Variants in PSORS1C1 observed in about 807,000 individuals in gnomAD.
The protein encoded by PSORS1C1 is psoriasis susceptibility 1 candidate 1, also known as psoriasis susceptibility 1 candidate gene 1 protein.
A neutral mutation model predicts 9.4 loss-of-function variants in PSORS1C1; 7 were observed. The ratio of observed to expected loss-of-function variants is 0.75; its 90% CI spans 0.42 to 1.40. The LOEUF is 1.40. Among genes scored for constraint, PSORS1C1 ranks in the 40% most tolerant of loss-of-function variants. PSORS1C1 has a pLI of 0.01. For missense variants in PSORS1C1, 146 were observed against 178.1 expected, an observed-to-expected ratio of 0.82 and a Z score of 1.02; for synonymous variants, 63 against 69.4, an observed-to-expected ratio of 0.91 and a Z score of 0.46.
At chr6:31,129,358 C>A (rs893457248) in intron 2 of PSORS1C1, among the ~76,000 whole-genome samples, 2 of 152,186 alleles carry the variant, frequency 1.3e-5, no homozygotes, top group Non-Finnish European at 2.9e-5. Context: ...TAGAGAGGAA[C>A]CAGCATTGTC....
chr6:31,123,905 A>G (rs1184080388), intron 1 of PSORS1C1, among the ~76,000 whole-genome samples: 1 of 152,180 alleles, frequency 6.6e-6, no homozygotes, highest in Non-Finnish European at 1.5e-5. Context: ...ACTTGGCTTC[A>G]GGGAGGTGGC....
intron 3 of PSORS1C1, chr6:31,133,405 T>C (rs1012156030): frequency 2.0e-5 from 3 of 152,238 alleles, no homozygotes; most frequent in African/African-American, 7.2e-5. Flanking sequence ...CTGATGCACA[T>C]ACGCGCAAGG....
At chr6:31,122,608 T>A (rs1348193930) in intron 1 of PSORS1C1, among the ~76,000 whole-genome samples, 1 of 138,378 alleles carries the variant, frequency 7.2e-6, no homozygotes, top group Non-Finnish European at 1.5e-5. Context: ...AAACCCCGTC[T>A]CTACCAAAAA....
At position 31,134,479 on chromosome 6, in the gene PSORS1C1, T is replaced by C. The variant is rs996494199; in HGVS notation, c.14-3951T>C. Among the ~76,000 whole-genome samples, 6 of 151,336 alleles carry C rather than the reference T, an allele frequency of 4.0e-5. No homozygotes were observed. The East Asian group carries it at 1.2e-3, about 30-fold the overall frequency. ...CACCATGCCCGGCTAATTTTTTTTG[T>C]ATTTTTTAGTAGAGACTGGGTTTCA... On this transcript the variant is annotated intron_variant, in intron 3 of 5. Transcript: ENST00000259881.
chr6:31,133,194 C>A (rs1772996111), intron 3 of PSORS1C1, among the ~76,000 whole-genome samples: 1 of 152,076 alleles, frequency 6.6e-6, no homozygotes, highest in Non-Finnish European at 1.5e-5. Flanking sequence ...AGAACACAGT[C>A]CCTGCCCCAC....
chr6:31,138,483 A>G (rs756765189), intron 4 of PSORS1C1, 24 bp downstream of exon 4: 12 of 1,611,646 alleles, frequency 7.4e-6, no homozygotes, highest in Non-Finnish European at 1.0e-5. Context: ...TACTTAACTG[A>G]TGGTAAAATG....
chr6:31,138,421 CACAA>C lies in PSORS1C1; in HGVS notation c.14-5_14-2del, dbSNP rs768401352. 8 of 1,612,630 alleles carry C rather than the reference CACAA, an allele frequency of 5.0e-6. No individual in the cohort carries two copies. Among genetic ancestry groups the C allele is most frequent in the Admixed American group, 1.7e-5 (1 of 59,982 alleles). ...TGGATGGACGCAGCCTGAACTGACC[CACAA>C]ACAGACCAAAAAAGTCACTCTCAAA... On this transcript the variant is annotated splice_region_variant and splice_polypyrimidine_tract_variant and intron_variant, in intron 3 of 5. Coordinates refer to ENST00000259881, the MANE Select transcript of PSORS1C1 (RefSeq NM_014068.3).
At chr6:31,120,277 C>T (rs1316849295) in intron 1 of PSORS1C1, 9 of 1,339,426 alleles carry the variant, frequency 6.7e-6, no homozygotes, top group African/African-American at 1.4e-5. Context: ...TTCGCTGGGT[C>T]CTCTCCCGGA....
In PSORS1C1 at chr6:31,115,884, A is replaced by T; in HGVS notation, c.-229+993A>T. 1.4e-6 allele frequency: 1 copy of T among 702,356 alleles called. No individual in the cohort carries two copies. Among genetic ancestry groups the T allele is most frequent in the Non-Finnish European group, 2.5e-6 (1 of 395,798 alleles). 43.5% of individuals were successfully genotyped at this position (702,356 alleles called of 1,614,324 possible). ...AAGAGAGAGTCTGCAACCTTGGGGTAGTGGAGAAAGCAGAACCACTCTTTT... is the reference window on the plus strand; with the variant it reads ...AAGAGAGAGTCTGCAACCTTGGGGTTGTGGAGAAAGCAGAACCACTCTTTT... On this transcript the variant is annotated intron_variant, in intron 1 of 5. Transcript: ENST00000259881. This position sits in a 1 kb window ranked among gnomAD's most constrained non-coding sequence, Gnocchi z 4.2.
intron 1 of PSORS1C1, among the ~76,000 whole-genome samples, chr6:31,121,660 T>G (rs1488163954): frequency 6.6e-6 from 1 of 151,990 alleles, no homozygotes; most frequent in African/African-American, 2.4e-5. Context: ...ACACCCCTGC[T>G]CCCCTCACCC....
At chr6:31,117,401 T>C (rs954886728) in intron 1 of PSORS1C1, 1 of 1,567,190 alleles carries the variant, frequency 6.4e-7, no homozygotes, top group Non-Finnish European at 8.6e-7. Context: ...CCAGAACTGC[T>C]GGAGCCACTG....
chr6:31,116,360 A>G, intron 1 of PSORS1C1: 1 of 1,611,512 alleles, frequency 6.2e-7, no homozygotes, highest in Non-Finnish European at 8.5e-7. Flanking sequence ...GGGCTCTGGG[A>G]AGCACTGCCG....
At position 31,116,393 on chromosome 6, in the gene PSORS1C1, A is replaced by C. The variant is rs1042127; in HGVS notation, c.-229+1502A>C. ...CCGCAGGGATGGTAGGGTAAACCGG[A>C]GCTGCTGGAAATGCTAGAACTGCTG... On this transcript the variant is annotated intron_variant, in intron 1 of 5. Transcript: ENST00000259881. 0.18 allele frequency: 284,011 copies of C among 1,600,850 alleles called. 27,576 individuals carry two copies. The highest frequency in any genetic ancestry group is 0.33 in the South Asian group (29,322 of 89,730).
At chr6:31,121,198 C>T (rs1040308124) in intron 1 of PSORS1C1, among the ~76,000 whole-genome samples, 11 of 151,874 alleles carry the variant, frequency 7.2e-5, no homozygotes, top group Non-Finnish European at 1.6e-4. Flanking sequence ...AGCCAGGGCT[C>T]AGCCAGGGGA....
chr6:31,138,928 C>T, intron 5 of PSORS1C1, 149 bp downstream of exon 5: 1 of 1,608,060 alleles, frequency 6.2e-7, no homozygotes, highest in Non-Finnish European at 8.5e-7. Flanking sequence ...TTGAGTATCC[C>T]TCATCACCCC....
At chr6:31,127,133 C>A (rs754107487) in intron 2 of PSORS1C1, among the ~76,000 whole-genome samples, 1 of 152,192 alleles carries the variant, frequency 6.6e-6, no homozygotes, top group Non-Finnish European at 1.5e-5. Context: ...TGAAAGAGAG[C>A]GCCAGGGTGC....
At chr6:31,132,735 G>GCTA (rs1772973795) in intron 3 of PSORS1C1, among the ~76,000 whole-genome samples, 1 of 152,024 alleles carries the variant, frequency 6.6e-6, no homozygotes, top group Admixed American at 6.6e-5. Flanking sequence ...TATAGTACCA[G>GCTA]CTACTCAGAA....
chr6:31,122,878 G>A (rs1772522941), intron 1 of PSORS1C1, among the ~76,000 whole-genome samples: 1 of 152,178 alleles, frequency 6.6e-6, no homozygotes, highest in Non-Finnish European at 1.5e-5. Context: ...GGCAAGGAGG[G>A]AGGGGGCACT....
chr6:31,122,542 G>A (rs188952110), intron 1 of PSORS1C1, among the ~76,000 whole-genome samples: 1 of 152,318 alleles, frequency 6.6e-6, no homozygotes, highest in African/African-American at 2.4e-5. Flanking sequence ...ATGGGAGGCC[G>A]ATGCGGGCGG....
Sources: allele counts gnomAD v4.1 joint callset (sites outside exome capture counted in the v4.1 genomes callset), GRCh38; gene constraint gnomAD v4.1.1; non-coding constraint Gnocchi (gnomAD v3.1); transcripts MANE v1.5; gene names NCBI Gene and HGNC (gene_info 2026-07-23, HGNC 2026-07-21).